Variants in NRXN1 observed in about 807,000 individuals in gnomAD.
The protein encoded by NRXN1 is neurexin-1.
Under a neutral mutation model 150.9 loss-of-function variants are expected in NRXN1, and 39 were observed. The observed-to-expected ratio is 0.26, with a 90% CI of 0.20 to 0.34. The LOEUF is 0.34. NRXN1 is among the 10% of genes least tolerant of loss of function. The pLI, the probability that NRXN1 is intolerant of heterozygous loss-of-function variation, is 1.00. For missense variants in NRXN1, 1,815 were observed against 1,949.9 expected, an observed-to-expected ratio of 0.93 and a Z score of 1.30; for synonymous variants, 924 against 757.0, an observed-to-expected ratio of 1.22 and a Z score of -3.62.
chr2:50,649,866 C>G (rs1465775498), intron 5 of NRXN1, among the ~76,000 whole-genome samples: 1 of 151,914 alleles, frequency 6.6e-6, no homozygotes, highest in African/African-American at 2.4e-5. Flanking sequence ...ATCATAGATG[C>G]TATAATTGCC....
chr2:50,086,845 A>AGAGAGAGAGAGAGAGAGAGAGAGAAG (rs4032305), intron 19 of NRXN1, among the ~76,000 whole-genome samples: 10 of 150,820 alleles, frequency 6.6e-5, no homozygotes, highest in African/African-American at 2.5e-4. Context: ...AGAGAGAGAG[A>AGAGAGAGAGAGAGAGAGAGAGAGAAG]GAGAGCGAGC....
chr2:50,609,689 T>C (rs1677714050), intron 8 of NRXN1, among the ~76,000 whole-genome samples: 1 of 148,810 alleles, frequency 6.7e-6, no homozygotes, highest in South Asian at 2.1e-4. Context: ...CAATGAGTTA[T>C]CTATAAAAAG....
chr2:51,018,800 TAA>T (rs1172317621), intron 2 of NRXN1, among the ~76,000 whole-genome samples: 4 of 152,214 alleles, frequency 2.6e-5, no homozygotes, highest in South Asian at 4.1e-4. Flanking sequence ...TCCAAAATAA[TAA>T]GTTTTTCATC....
At chr2:50,272,184 A>G (rs569294576) in intron 17 of NRXN1, among the ~76,000 whole-genome samples, 6 of 152,296 alleles carry the variant, frequency 3.9e-5, no homozygotes, top group African/African-American at 1.4e-4. Flanking sequence ...TGGCGGAGAA[A>G]ACGTAGAAAA....
intron 2 of NRXN1, among the ~76,000 whole-genome samples, chr2:50,989,296 TTGAG>T (rs1156605989): frequency 4.6e-5 from 7 of 151,976 alleles, no homozygotes; most frequent in Non-Finnish European, 7.4e-5. Context: ...CATTCAATAT[TTGAG>T]TGAGAATACA....
intron 17 of NRXN1, among the ~76,000 whole-genome samples, chr2:50,276,516 G>T (rs1001267209): frequency 1.3e-4 from 20 of 152,140 alleles, no homozygotes; most frequent in African/African-American, 3.6e-4. Context: ...TCTGTGCTAG[G>T]ATCAAGTTTT....
chr2:50,352,051 A>G (rs1432761246), intron 17 of NRXN1, among the ~76,000 whole-genome samples: 1 of 152,140 alleles, frequency 6.6e-6, no homozygotes, highest in African/African-American at 2.4e-5. Context: ...GCCAACAACC[A>G]TGGCTACTGA....
chr2:50,027,029 G>A (rs1688442401), intron 21 of NRXN1, among the ~76,000 whole-genome samples: 1 of 151,308 alleles, frequency 6.6e-6, no homozygotes, highest in Non-Finnish European at 1.5e-5. Context: ...CTACAGGTGT[G>A]TGCCACCACA....
chr2:50,406,106 T>C (rs1292550770), intron 17 of NRXN1, among the ~76,000 whole-genome samples: 1 of 152,110 alleles, frequency 6.6e-6, no homozygotes, highest in African/African-American at 2.4e-5. Context: ...TGATACATTT[T>C]CAATCCCCTA....
intron 17 of NRXN1, among the ~76,000 whole-genome samples, chr2:50,420,043 G>C (rs1251422601): frequency 6.6e-6 from 1 of 151,994 alleles, no homozygotes; most frequent in African/African-American, 2.4e-5. Flanking sequence ...AGAGGATTTG[G>C]GGAAGGAATA....
At chr2:50,478,158 T>C (rs1369569106) in intron 15 of NRXN1, among the ~76,000 whole-genome samples, 1 of 152,158 alleles carries the variant, frequency 6.6e-6, no homozygotes, top group Non-Finnish European at 1.5e-5. Context: ...AAAACAGGTG[T>C]TCCCTGTTAG....
chr2:50,665,516 A>G (rs1687902242), intron 5 of NRXN1, among the ~76,000 whole-genome samples: 1 of 151,938 alleles, frequency 6.6e-6, no homozygotes, highest in South Asian at 2.1e-4. Context: ...CAACTGACCA[A>G]ATAGGCTACA....
chr2:50,506,772 A>C, intron 12 of NRXN1, 155 bp from the exon 13 acceptor site: 1 of 773,586 alleles, frequency 1.3e-6, no homozygotes, highest in Non-Finnish European at 2.0e-6. Context: ...GAGAGAAAGG[A>C]AACAGAGAAG....
chr2:50,775,479 T>C (rs944589032), intron 5 of NRXN1, among the ~76,000 whole-genome samples: 2 of 152,146 alleles, frequency 1.3e-5, no homozygotes, highest in Non-Finnish European at 2.9e-5. Context: ...TAACTATTAT[T>C]GTTAGCAAGC....
chr2:50,737,142 C>T (rs1012267793), intron 5 of NRXN1, among the ~76,000 whole-genome samples: 5 of 151,940 alleles, frequency 3.3e-5, no homozygotes, highest in Non-Finnish European at 7.4e-5. Flanking sequence ...GCCTGTAATC[C>T]CAGCTACTTG....
chr2:50,202,419 T>G (rs749278429), intron 18 of NRXN1, among the ~76,000 whole-genome samples: 1 of 152,006 alleles, frequency 6.6e-6, no homozygotes, highest in Non-Finnish European at 1.5e-5. Context: ...GGCAGGAGAA[T>G]TGCTTGAACA....
intron 5 of NRXN1, among the ~76,000 whole-genome samples, chr2:50,832,464 C>A (rs1469404377): frequency 6.6e-6 from 1 of 152,084 alleles, no homozygotes. Context: ...ATCCACCTGG[C>A]CAACATGGCG....
At chr2:50,862,382 G>T in intron 5 of NRXN1, among the ~76,000 whole-genome samples, 1 of 151,898 alleles carries the variant, frequency 6.6e-6, no homozygotes, top group Non-Finnish European at 1.5e-5. Flanking sequence ...ATTATGTCAG[G>T]GGGTTCCTAC....
At chr2:50,814,564 C>T (rs1019657945) in intron 5 of NRXN1, among the ~76,000 whole-genome samples, 1 of 152,100 alleles carries the variant, frequency 6.6e-6, no homozygotes, top group Admixed American at 6.5e-5. Flanking sequence ...TATCATACCA[C>T]ATGAAATCTG....
Sources: gnomAD v4.1 joint callset for allele counts (sites outside exome capture counted in the v4.1 genomes callset) on GRCh38, gnomAD v4.1.1 for gene constraint, MANE v1.5 for transcripts, NCBI Gene and HGNC (gene_info 2026-07-23, HGNC 2026-07-21) for gene names.